LCP2: variants seen among roughly 807,000 people sequenced by gnomAD.
LCP2 encodes lymphocyte cytosolic protein 2.
Under a neutral mutation model 74.5 loss-of-function variants are expected in LCP2, and 29 were observed. The observed-to-expected ratio is 0.39, with a 90% CI of 0.29 to 0.53. The LOEUF (loss-of-function observed/expected upper bound fraction) is 0.53. Among genes scored for constraint, LCP2 ranks in the 20% least tolerant of loss-of-function variants. The pLI, the probability that LCP2 is intolerant of heterozygous loss-of-function variation, is 0.72. For synonymous variants in LCP2, 228 were observed against 229.5 expected (o/e 0.99, Z 0.06); for missense variants, 604 against 634.6 (o/e 0.95, Z 0.52).
At chr5:170,281,534 C>T (rs1397464026) in intron 3 of LCP2, among the ~76,000 whole-genome samples, 2 of 152,212 alleles carry the variant, frequency 1.3e-5, no homozygotes, top group Non-Finnish European at 2.9e-5. Context: ...CCCGCCTTGG[C>T]CTCCCAAAGT....
intron 6 of LCP2, among the ~76,000 whole-genome samples, chr5:170,271,178 G>C (rs1761891503): frequency 6.6e-6 from 1 of 152,194 alleles, no homozygotes; most frequent in Non-Finnish European, 1.5e-5. Flanking sequence ...ACAACAGAGA[G>C]AGAAGAAAGG....
intron 13 of LCP2, 123 bp downstream of exon 13, chr5:170,262,512 C>CA (rs1220532967): frequency 4.5e-5 from 30 of 665,764 alleles, no homozygotes; most frequent in East Asian, 3.5e-4. Flanking sequence ...CAAGCCACAG[C>CA]AAGAAAAGGC....
chr5:170,264,999 TTTTTTTGA>T, intron 10 of LCP2, among the ~76,000 whole-genome samples: 1 of 85,902 alleles, frequency 1.2e-5, no homozygotes, highest in Non-Finnish European at 2.5e-5. Flanking sequence ...TTTTTTTTTT[TTTTTTTGA>T]GACAGAGTCT....
chr5:170,297,628 A>G lies in LCP2; in HGVS notation c.-17T>C. 6.2e-7 allele frequency: 1 copy of G among 1,601,614 alleles called. No homozygotes were observed. Among genetic ancestry groups the G allele is most frequent in the Non-Finnish European group, 8.5e-7 (1 of 1,173,596 alleles). On this transcript the variant is annotated 5_prime_UTR_variant, in exon 1 of 21. Coordinates refer to ENST00000046794, the MANE Select transcript of LCP2 (RefSeq NM_005565.5). Reference sequence around the variant, plus strand: ...CAGTGCCATGGCTGCTCTCCCGGGAAGAAGCTCACAAGCTGAGCATGGGCG... The same window carrying G: ...CAGTGCCATGGCTGCTCTCCCGGGAGGAAGCTCACAAGCTGAGCATGGGCG...
intron 4 of LCP2, 84 bp downstream of exon 4, chr5:170,275,710 AG>A (rs1761994838): frequency 8.6e-7 from 1 of 1,167,424 alleles, no homozygotes; most frequent in African/African-American, 1.5e-5. Context: ...ATCAAAAAGT[AG>A]GGCAAAAACA....
chr5:170,288,040 G>T (rs1412361629), intron 2 of LCP2, 24 bp from the exon 3 acceptor site: 2 of 1,612,896 alleles, frequency 1.2e-6, no homozygotes, highest in South Asian at 2.2e-5. Context: ...ACATATGGCA[G>T]GCAGGTTACA....
chr5:170,272,996 G>T (rs1761923031), intron 6 of LCP2, among the ~76,000 whole-genome samples: 1 of 150,746 alleles, frequency 6.6e-6, no homozygotes, highest in Non-Finnish European at 1.5e-5. Flanking sequence ...CTTCTGGTTT[G>T]GTGCTGCCTG....
chr5:170,275,709 T>A (rs961925999), intron 4 of LCP2, 86 bp downstream of exon 4: 2 of 1,161,744 alleles, frequency 1.7e-6, no homozygotes, highest in African/African-American at 1.5e-5. Flanking sequence ...GATCAAAAAG[T>A]AGGGCAAAAA....
At position 170,267,036 on chromosome 5, in the gene LCP2, T is replaced by G. The variant is rs1581063935; in HGVS notation, c.661A>C (p.Arg221=). The G allele has an allele frequency of 1.2e-6, 2 of 1,614,010 alleles. No individual in the cohort carries two copies. Among genetic ancestry groups the G allele is most frequent in the East Asian group, 4.5e-5 (2 of 44,876 alleles). ...TTTGCCGTTTTGTGGTTTCTGCTTC[T>G]GCTGGGTTCTTCGTGGTTGGTCTGG... ...PPQTNHEEPS[R]SRNHKTAKLP... is the part of the protein sequence containing the mutation. Residue 221 remains arginine (R), a synonymous_variant, in exon 9 of 21, where the codon AGA becomes CGA. Transcript: ENST00000046794.
intron 7 of LCP2, among the ~76,000 whole-genome samples, chr5:170,269,953 A>G (rs1761865134): frequency 6.6e-6 from 1 of 152,230 alleles, no homozygotes; most frequent in East Asian, 1.9e-4. Context: ...GGGCTTTAAA[A>G]TGGAAATGGG....
Position 170,275,283 on chromosome 5 carries a change from T to C in LCP2, c.286+37A>G, listed in dbSNP as rs1761987738. On this transcript the variant is annotated intron_variant, in intron 5 of 20. Coordinates refer to ENST00000046794, the MANE Select transcript of LCP2 (RefSeq NM_005565.5). ...CAAGAAAACTGAAATACCTATCACC[T>C]CCTAAAGCAATCACCTCTGAGCCCT... 4 of 1,612,328 alleles carry C rather than the reference T, an allele frequency of 2.5e-6. No individual in the cohort carries two copies. In the East Asian group the frequency reaches 8.9e-5, roughly 36 times the overall value.
chr5:170,276,942 G>A (rs964340100), intron 3 of LCP2, among the ~76,000 whole-genome samples: 2 of 151,890 alleles, frequency 1.3e-5, no homozygotes, highest in African/African-American at 4.8e-5. Context: ...TGGGCATGGT[G>A]GCACGTGCCT....
At chr5:170,248,872 CTTCACT>C in intron 20 of LCP2, 53 bp from the exon 21 acceptor site, 1 of 1,588,688 alleles carries the variant, frequency 6.3e-7, no homozygotes, top group South Asian at 1.1e-5. Context: ...AAAGCAGGAA[CTTCACT>C]TTCAGTTTTT....
chr5:170,282,139 T>C (rs925752052), intron 3 of LCP2, among the ~76,000 whole-genome samples: 1 of 152,212 alleles, frequency 6.6e-6, no homozygotes, highest in African/African-American at 2.4e-5. Flanking sequence ...ATTTTCAGGC[T>C]GAGAGAGCCT....
At chr5:170,270,262 T>C (rs1267644229) in intron 7 of LCP2, among the ~76,000 whole-genome samples, 1 of 152,266 alleles carries the variant, frequency 6.6e-6, no homozygotes, top group Non-Finnish European at 1.5e-5. Flanking sequence ...TAATATTTTT[T>C]AAAGTTATAG....
At chr5:170,276,063 C>T (rs1224306001) in intron 3 of LCP2, among the ~76,000 whole-genome samples, 7 of 152,178 alleles carry the variant, frequency 4.6e-5, no homozygotes, top group African/African-American at 1.7e-4. Context: ...CCAGACCTTC[C>T]TCCTGCCCAG....
At chr5:170,279,988 G>A (rs567178668) in intron 3 of LCP2, among the ~76,000 whole-genome samples, 1 of 152,216 alleles carries the variant, frequency 6.6e-6, no homozygotes, top group East Asian at 1.9e-4. Flanking sequence ...GGAAGGGAAG[G>A]GAAGGGGAAG....
chr5:170,269,949 T>G (rs1296259190), intron 7 of LCP2, among the ~76,000 whole-genome samples: 1 of 152,242 alleles, frequency 6.6e-6, no homozygotes, highest in East Asian at 1.9e-4. Context: ...GAAAGGGCTT[T>G]AAAATGGAAA....
intron 14 of LCP2, among the ~76,000 whole-genome samples, chr5:170,260,767 G>A (rs1761635871): frequency 6.6e-6 from 1 of 152,184 alleles, no homozygotes; most frequent in African/African-American, 2.4e-5. Flanking sequence ...CAGTAGCCTT[G>A]GAAATTTAGG....
Sources: gnomAD v4.1 joint callset for allele counts (sites outside exome capture counted in the v4.1 genomes callset) on GRCh38, gnomAD v4.1.1 for gene constraint, MANE v1.5 for transcripts, NCBI Gene and HGNC (gene_info 2026-07-23, HGNC 2026-07-21) for gene names.